Variants in RNF212 observed in about 807,000 individuals in gnomAD.
RNF212 encodes the protein probable E3 SUMO-protein ligase RNF212.
Under a neutral mutation model 34.7 loss-of-function variants are expected in RNF212, and 33 were observed. The observed-to-expected ratio is 0.95, with a 90% CI of 0.72 to 1.27. RNF212 has a LOEUF of 1.27. Among genes scored for constraint, RNF212 ranks in the 50% most tolerant of loss-of-function variants. The pLI, the probability that RNF212 is intolerant of heterozygous loss-of-function variation, is 0.00. For synonymous variants in RNF212, 140 were observed against 136.1 expected (o/e 1.03, Z -0.20); for missense variants, 377 against 362.2 (o/e 1.04, Z -0.33).
At chr4:1,100,090 C>G in intron 2 of RNF212, 1 of 349,436 alleles carries the variant, frequency 2.9e-6, no homozygotes. Flanking sequence ...CAGGCTTACA[C>G]AGGACTTCCT....
intron 3 of RNF212, among the ~76,000 whole-genome samples, chr4:1,060,104 A>C (rs906903815): frequency 8.2e-6 from 1 of 121,960 alleles, no homozygotes; most frequent in African/African-American, 3.5e-5. Context: ...CATCAAAAAA[A>C]AAAAAAAAAG....
downstream of RNF212, among the ~76,000 whole-genome samples, chr4:1,067,867 C>CAACAAAAAA (rs1718192167): frequency 1.6e-5 from 1 of 60,670 alleles, no homozygotes. Context: ...GACTCTGTCT[C>CAACAAAAAA]AAAAAAAAAA....
intron 8 of RNF212, among the ~76,000 whole-genome samples, chr4:1,074,604 C>T (rs1293149060): frequency 6.6e-6 from 1 of 152,158 alleles, no homozygotes; most frequent in Non-Finnish European, 1.5e-5. Flanking sequence ...GTCCTCCACT[C>T]CTACTCACTG....
intron 1 of RNF212, among the ~76,000 whole-genome samples, chr4:1,109,529 A>G (rs958804830): frequency 2.6e-5 from 4 of 152,118 alleles, no homozygotes; most frequent in Non-Finnish European, 5.9e-5. Flanking sequence ...ACTAGGAAAA[A>G]AACATCCCTT....
chr4:1,112,831 GACCCCCCAC>G (rs1346478411), intron 1 of RNF212, among the ~76,000 whole-genome samples: 7 of 76,212 alleles, frequency 9.2e-5, no homozygotes, highest in African/African-American at 3.8e-4. Flanking sequence ...CCCAAGCCTT[GACCCCCCAC>G]ATCCCCCACC....
At chr4:1,113,572 C>G, upstream of RNF212, 1 of 831,264 alleles carries the variant, frequency 1.2e-6, no homozygotes, top group Non-Finnish European at 1.8e-6. Flanking sequence ...TGCGCCTGCG[C>G]AAAGTCGACG....
intron 9 of RNF212, among the ~76,000 whole-genome samples, 199 bp from the exon 10 acceptor site, chr4:1,073,392 T>G (rs1718746643): frequency 6.6e-6 from 1 of 152,164 alleles, no homozygotes; most frequent in Non-Finnish European, 1.5e-5. Flanking sequence ...TTATCTCCTG[T>G]GACTTGTTAC....
chr4:1,066,104 C>A (rs1384841081), intron 3 of RNF212, among the ~76,000 whole-genome samples: 1 of 148,418 alleles, frequency 6.7e-6, no homozygotes, highest in African/African-American at 2.5e-5. Context: ...TTTTTTTTCT[C>A]TGTAGATGAG....
At chr4:1,079,430 G>C (rs913093487) in intron 8 of RNF212, among the ~76,000 whole-genome samples, 2 of 152,268 alleles carry the variant, frequency 1.3e-5, no homozygotes, top group African/African-American at 4.8e-5. Context: ...TGCAACTGCA[G>C]TCCTGGCCAT....
At chr4:1,088,713 C>T (rs539084277) in intron 4 of RNF212, among the ~76,000 whole-genome samples, 1 of 152,244 alleles carries the variant, frequency 6.6e-6, no homozygotes, top group Non-Finnish European at 1.5e-5. Context: ...GCCAAGGCCC[C>T]CTGCCCAACT....
At chr4:1,057,224 C>T (rs1378033049) in intron 4 of RNF212, among the ~76,000 whole-genome samples, 3 of 152,074 alleles carry the variant, frequency 2.0e-5, no homozygotes, top group East Asian at 1.9e-4. Flanking sequence ...CCCAGGCCAG[C>T]GGGGACGGGA....
At chr4:1,096,542 T>C (rs1321751767) in intron 3 of RNF212, 110 of 519,056 alleles carry the variant, frequency 2.1e-4, no homozygotes, top group South Asian at 1.2e-3. Flanking sequence ...CTCAGGATAG[T>C]GCACCTGGCT....
intron 3 of RNF212, chr4:1,094,033 G>A (rs763570512): frequency 6.9e-7 from 1 of 1,445,750 alleles, no homozygotes; most frequent in South Asian, 1.3e-5. Context: ...GATTCAGGCT[G>A]TTTCAGAAGC....
At position 1,058,308 on chromosome 4, in the gene RNF212, G is replaced by A. The variant is rs988100705; in HGVS notation, n.220+13C>T. On this transcript the variant is annotated intron_variant and non_coding_transcript_variant, in intron 4 of 4. Coordinates refer to the RNF212 transcript ENST00000503206. ...AGAACGCAGTGAAGAAGGTGCTTGCGGGGGGGCACTACCTGAGAGGCTTTC... is the reference window on the plus strand; with the variant it reads ...AGAACGCAGTGAAGAAGGTGCTTGCAGGGGGGCACTACCTGAGAGGCTTTC... 6 of 900,692 alleles carry A rather than the reference G, an allele frequency of 6.7e-6. 1 individual carries two copies. The highest frequency in any genetic ancestry group is 1.4e-4 in the East Asian group (1 of 7,330). The allele number at this position is 900,692 out of a possible 1,614,324, so 55.8% of individuals were successfully genotyped here.
Position 1,113,562 on chromosome 4 carries a change from T to G in RNF212, c.-98A>C. The G allele has an allele frequency of 5.4e-6, 5 of 933,378 alleles. No individual in the cohort carries two copies. The highest frequency in any genetic ancestry group is 7.7e-6 in the Non-Finnish European group (5 of 645,734). The allele number at this position is 933,378 out of a possible 1,614,324, so 57.8% of individuals were successfully genotyped here. ...CGCAGGGCCCGAAGGCGGGCAGCTCTGCGCCTGCGCAAAGTCGACGGCAGC... is the reference window on the plus strand; with the variant it reads ...CGCAGGGCCCGAAGGCGGGCAGCTCGGCGCCTGCGCAAAGTCGACGGCAGC... On this transcript the variant is annotated 5_prime_UTR_variant, in exon 1 of 10. Coordinates refer to ENST00000433731, the MANE Select transcript of RNF212 (RefSeq NM_001131034.4).
intron 2 of RNF212, 23 bp from the exon 3 acceptor site, chr4:1,096,862 T>A: frequency 1.3e-6 from 2 of 1,548,596 alleles, no homozygotes; most frequent in Non-Finnish European, 1.8e-6. Flanking sequence ...GAAATGACTC[T>A]ACATTTATTG....
chr4:1,068,047 A>AC (rs142685900), downstream of RNF212, among the ~76,000 whole-genome samples: 6,158 of 152,274 alleles, frequency 0.04, 170 homozygotes, highest in Middle Eastern at 0.061. Context: ...TTCTCCCCAC[A>AC]CCGATGTAGA....
chr4:1,089,222 C>G (rs1041143778), intron 4 of RNF212, among the ~76,000 whole-genome samples: 1 of 152,174 alleles, frequency 6.6e-6, no homozygotes, highest in African/African-American at 2.4e-5. Context: ...GTGGAGTTGC[C>G]CAAGGCCTTG....
At position 1,085,888 on chromosome 4, in the gene RNF212, C is replaced by A; in HGVS notation, c.362+8G>T. ...GACTGCGCACTCACGGGGGGTGGGG[C>A]GCCTTACCTTTGTAGTTGTTCTATC... On this transcript the variant is annotated splice_region_variant and intron_variant, in intron 5 of 9. Transcript: ENST00000433731. The A allele has an allele frequency of 7.5e-6, 12 of 1,607,598 alleles. No individual in the cohort carries two copies. Among genetic ancestry groups the A allele is most frequent in the Non-Finnish European group, 1.0e-5 (12 of 1,174,722 alleles).
Sources: gnomAD v4.1 joint callset for allele counts (sites outside exome capture counted in the v4.1 genomes callset) on GRCh38, gnomAD v4.1.1 for gene constraint, MANE v1.5 for transcripts, NCBI Gene and HGNC (gene_info 2026-07-23, HGNC 2026-07-21) for gene names.